Variants in RHOBTB3 observed in about 807,000 individuals in gnomAD.
RHOBTB3 encodes Rho related BTB domain containing 3, also known as rho-related BTB domain-containing protein 3.
In RHOBTB3, 47 loss-of-function variants were observed where a neutral mutation model predicts 67.2. That is an observed-to-expected ratio of 0.70 (90% CI 0.55 to 0.89). RHOBTB3 has a LOEUF of 0.89. Among genes scored for constraint, RHOBTB3 ranks in the 40% least tolerant of loss-of-function variants. The pLI is 0.00. For synonymous variants in RHOBTB3, 273 were observed against 274.2 expected (o/e 1.00, Z 0.04); for missense variants, 631 against 750.0 (o/e 0.84, Z 1.85).
chr5:95,763,462 T>G (rs776726691), intron 6 of RHOBTB3, 46 bp from the exon 7 acceptor site: 1 of 1,094,302 alleles, frequency 9.1e-7, no homozygotes, highest in South Asian at 1.3e-5. Flanking sequence ...CTTTTGTTAC[T>G]TCCTCATTTA....
intron 10 of RHOBTB3, 47 bp from the exon 11 acceptor site, chr5:95,788,715 A>G (rs1746293006): frequency 8.2e-7 from 1 of 1,214,302 alleles, no homozygotes; most frequent in South Asian, 1.3e-5. Context: ...TTATCATACC[A>G]GTGGCCATTA....
intron 8 of RHOBTB3, among the ~76,000 whole-genome samples, chr5:95,771,336 T>G (rs1401388460): frequency 6.6e-6 from 1 of 152,230 alleles, no homozygotes; most frequent in Non-Finnish European, 1.5e-5. Flanking sequence ...CGAACAATAG[T>G]CATTTACTTT....
intron 6 of RHOBTB3, among the ~76,000 whole-genome samples, chr5:95,762,243 A>C (rs1313957802): frequency 6.6e-6 from 1 of 152,212 alleles, no homozygotes; most frequent in Non-Finnish European, 1.5e-5. Context: ...GGTGGGGAGA[A>C]GTTGAAAGGA....
In RHOBTB3 at chr5:95,793,114, G is replaced by A; in HGVS notation, c.1776G>A (p.Lys592=). 6.2e-7 allele frequency: 1 copy of A among 1,613,572 alleles called. No homozygotes were observed. The highest frequency in any genetic ancestry group is 1.1e-5 in the South Asian group (1 of 90,960). ...GATGGCCGTCGAATATGTACTTGAA[G>A]CAGCTTGCGGAATACAGGAAGTATA... The part of the protein sequence containing the change: ...KHRWPSNMYL[K]QLAEYRKYIH... The change falls in exon 12 of 12, where the codon AAG becomes AAA. Residue 592 remains lysine, a synonymous_variant. Coordinates refer to ENST00000379982, the MANE Select transcript of RHOBTB3 (RefSeq NM_014899.4).
intron 11 of RHOBTB3, chr5:95,789,408 C>T (rs1746311316): frequency 6.6e-6 from 1 of 152,090 alleles, no homozygotes; most frequent in African/African-American, 2.4e-5. Flanking sequence ...AATATGCTTT[C>T]TAAGGTAAAT....
In RHOBTB3 at chr5:95,794,590, A is replaced by T. The variant is rs1746516990; in HGVS notation, c.*1416A>T. 6.6e-6 allele frequency: 1 copy of T among 152,330 alleles called. No individual in the cohort carries two copies. The highest frequency in any genetic ancestry group is 1.5e-5 in the Non-Finnish European group (1 of 68,100). The allele number at this position is 152,330 out of a possible 1,614,324, so 9.4% of individuals were successfully genotyped here. A position where few individuals can be genotyped will look rare whatever the true frequency, so the allele number is the denominator to read the frequency against. ...ACATGTATAGAGAAATAATTATATC[A>T]GAAACTCACAAACCTAGACATGGAA... On this transcript the variant is annotated 3_prime_UTR_variant, in exon 12 of 12. Transcript: ENST00000379982.
chr5:95,732,764 G>C (rs143320299), intron 2 of RHOBTB3: 1 of 152,200 alleles, frequency 6.6e-6, no homozygotes, highest in Non-Finnish European at 1.5e-5. Context: ...GTAGTGAAGT[G>C]GATAAATTAT....
At chr5:95,743,518 G>A (rs1484127549) in intron 3 of RHOBTB3, among the ~76,000 whole-genome samples, 3 of 152,012 alleles carry the variant, frequency 2.0e-5, no homozygotes, top group African/African-American at 4.8e-5. Context: ...CTTCGGTCCT[G>A]TACTGCCTGC....
intron 3 of RHOBTB3, among the ~76,000 whole-genome samples, chr5:95,740,229 T>A (rs889208018): frequency 6.6e-6 from 1 of 152,222 alleles, no homozygotes; most frequent in Non-Finnish European, 1.5e-5. Flanking sequence ...TTAAACTTCC[T>A]TTTCTTTATA....
intron 11 of RHOBTB3, among the ~76,000 whole-genome samples, chr5:95,792,260 G>T (rs571139657): frequency 1.3e-5 from 2 of 152,062 alleles, no homozygotes; most frequent in Admixed American, 6.6e-5. Context: ...GGTGACAGGC[G>T]CCTGTAGTCC....
At chr5:95,759,051 G>A (rs767831599) in intron 6 of RHOBTB3, among the ~76,000 whole-genome samples, 18 of 152,234 alleles carry the variant, frequency 1.2e-4, no homozygotes, top group African/African-American at 1.7e-4. Context: ...TCCCTGACGC[G>A]AGGAAAAATG....
At chr5:95,737,992 A>C (rs1400906500) in intron 3 of RHOBTB3, among the ~76,000 whole-genome samples, 1 of 152,240 alleles carries the variant, frequency 6.6e-6, no homozygotes, top group Non-Finnish European at 1.5e-5. Flanking sequence ...GTAGTGCCTT[A>C]GGTTAGGCTA....
At chr5:95,775,467 C>T (rs925712627) in intron 8 of RHOBTB3, among the ~76,000 whole-genome samples, 11 of 148,272 alleles carry the variant, frequency 7.4e-5, no homozygotes, top group African/African-American at 2.5e-4. Flanking sequence ...TATGTATATA[C>T]ATATCTCTCT....
intron 10 of RHOBTB3, among the ~76,000 whole-genome samples, chr5:95,787,904 A>G (rs1414687126): frequency 1.3e-5 from 2 of 152,202 alleles, no homozygotes; most frequent in Non-Finnish European, 2.9e-5. Context: ...GGTGATAGAA[A>G]AGGCCTGGAA....
chr5:95,775,093 A>G (rs552656027), intron 8 of RHOBTB3, among the ~76,000 whole-genome samples: 2 of 152,320 alleles, frequency 1.3e-5, no homozygotes, highest in South Asian at 4.1e-4. Flanking sequence ...TAGTGCACCT[A>G]GAAAAATTAG....
chr5:95,748,279 CTT>C, intron 3 of RHOBTB3, 52 bp from the exon 4 acceptor site: 1 of 1,385,604 alleles, frequency 7.2e-7, no homozygotes, highest in Non-Finnish European at 9.9e-7. Context: ...GTCTGTGTAC[CTT>C]TTTTTTCCTG....
chr5:95,728,842 G>A (rs991617066), upstream of RHOBTB3, among the ~76,000 whole-genome samples: 19 of 152,108 alleles, frequency 1.2e-4, no homozygotes, highest in Non-Finnish European at 2.2e-4. Context: ...TAAAGAAGCC[G>A]GCCAAAACCC....
At chr5:95,743,084 AT>A (rs1413006434) in intron 3 of RHOBTB3, among the ~76,000 whole-genome samples, 2 of 152,234 alleles carry the variant, frequency 1.3e-5, no homozygotes, top group African/African-American at 2.4e-5. Context: ...AAATAAAAAA[AT>A]AAAAAATAAA....
intron 8 of RHOBTB3, among the ~76,000 whole-genome samples, chr5:95,773,289 A>T (rs1745771990): frequency 6.6e-6 from 1 of 152,052 alleles, no homozygotes; most frequent in Non-Finnish European, 1.5e-5. Flanking sequence ...TGTGCTGATG[A>T]TGTGCAGCAA....
Sources: gnomAD v4.1 joint callset for allele counts (sites outside exome capture counted in the v4.1 genomes callset) on GRCh38, gnomAD v4.1.1 for gene constraint, MANE v1.5 for transcripts, NCBI Gene and HGNC (gene_info 2026-07-23, HGNC 2026-07-21) for gene names.